Variants in CPZ observed in about 807,000 individuals in gnomAD.
CPZ encodes carboxypeptidase Z, also known as VEZT/CPZ fusion.
A neutral mutation model predicts 61.8 loss-of-function variants in CPZ; 103 were observed. The observed-to-expected ratio is 1.67, with a 90% confidence interval of 1.42 to 1.96. The LOEUF (loss-of-function observed/expected upper bound fraction) is 1.96. CPZ is among the 30% of genes most tolerant of loss of function. CPZ has a pLI of 0.00. For missense variants in CPZ, 1,461 were observed against 914.9 expected (o/e 1.60, Z -7.70); for synonymous variants, 551 against 373.7 (o/e 1.47, Z -5.47).
rs754274524 is a variant in CPZ at position 8,619,418 on chromosome 4, G to C, written c.1760G>C (p.Gly587Ala). The C allele has an allele frequency of 3.1e-6, 5 of 1,614,014 alleles. No individual in the cohort carries two copies. In the Admixed American group the frequency reaches 5.0e-5, roughly 16 times the overall value. ...VDFILQPLGM[G>A]PKNFIHGLRR... ...TTCATTCTGCAACCTCTGGGGATGG[G>C]ACCCAAGAACTTTATTCATGGGCTG... Residue 587 changes from glycine (G) to alanine (A), a missense_variant, in exon 11 of 11, where the codon GGA becomes GCA. Physicochemically the swap from Gly to Ala is moderately conservative, Grantham distance 60 (BLOSUM62 0). Coordinates refer to ENST00000360986, the MANE Select transcript of CPZ (RefSeq NM_001014447.3).
rs1187427564 is a variant in CPZ, at chr4:8,606,186, G to A, written c.906+1G>A. 1.2e-6 allele frequency: 2 copies of A among 1,612,534 alleles called. No homozygotes were observed. The highest frequency in any genetic ancestry group is 1.7e-6 in the Non-Finnish European group (2 of 1,179,306). On this transcript the variant is annotated splice_donor_variant, in intron 5 of 10. Coordinates refer to ENST00000360986, the MANE Select transcript of CPZ (RefSeq NM_001014447.3). LOFTEE classifies it high-confidence loss of function. Reference sequence around the variant, plus strand: ...CGGCTATGAGGTGGCAGCTGCCGAGGTGAGCGCCCAGATGCCTGGATCCTG... The same window carrying A: ...CGGCTATGAGGTGGCAGCTGCCGAGATGAGCGCCCAGATGCCTGGATCCTG...
In CPZ at chr4:8,618,512, C is replaced by T. The variant is rs752672666; in HGVS notation, c.1587C>T (p.Arg529=). ...KNARISVKGI[R]HDITTAPDGD... ...CCCGGATCTCAGTCAAAGGCATTCG[C>T]CACGACATCACCACAGGTGAGCACG... Residue 529 remains arginine, a synonymous_variant, in exon 10 of 11, where the codon CGC becomes CGT. Coordinates refer to ENST00000360986, the MANE Select transcript of CPZ (RefSeq NM_001014447.3). The T allele has an allele frequency of 1.9e-6, 3 of 1,613,928 alleles. No homozygotes were observed. Among genetic ancestry groups the T allele is most frequent in the African/African-American group, 1.3e-5 (1 of 75,050 alleles).
At chr4:8,609,691 T>C (rs1715486112) in intron 7 of CPZ, among the ~76,000 whole-genome samples, 1 of 152,178 alleles carries the variant, frequency 6.6e-6, no homozygotes, top group Non-Finnish European at 1.5e-5. Flanking sequence ...TGTCTCAGCC[T>C]CAGAACCAGA....
At chr4:8,600,221 C>T (rs374307648) in intron 2 of CPZ, among the ~76,000 whole-genome samples, 2 of 152,266 alleles carry the variant, frequency 1.3e-5, no homozygotes, top group East Asian at 1.9e-4. Flanking sequence ...AAGTGATCCT[C>T]GCATCTCAGC....
chr4:8,610,620 G>A (rs1344567592), intron 7 of CPZ, among the ~76,000 whole-genome samples: 2 of 152,246 alleles, frequency 1.3e-5, no homozygotes, highest in African/African-American at 4.8e-5. Flanking sequence ...AGCAGATGTG[G>A]CCTGGGCAGA....
At chr4:8,593,750 A>G (rs951842482) in intron 1 of CPZ, among the ~76,000 whole-genome samples, 1 of 152,136 alleles carries the variant, frequency 6.6e-6, no homozygotes, top group Non-Finnish European at 1.5e-5. Flanking sequence ...GAGCCCTGCG[A>G]GTGGATGTGC....
rs1428553965 is a variant in CPZ, at chr4:8,609,119, CTCACTCAT to C, written c.1227+1704_1227+1711del. Among the ~76,000 whole-genome samples the C allele has an allele frequency of 1.6e-3, 22 of 13,614 alleles. 1 individual carries two copies. Among genetic ancestry groups the C allele is most frequent in the African/African-American group, 4.1e-3 (17 of 4,184 alleles). 8.9% of individuals were successfully genotyped at this position (13,614 alleles called of 152,430 possible). On this transcript the variant is annotated intron_variant, in intron 7 of 10. Transcript: ENST00000360986. ...ACTCACTCACTCCCTTCCTCACTCC[CTCACTCAT>C]TCACTCATTTACTCATTCACCCACT... is the stretch of plus-strand genomic sequence containing the variant.
chr4:8,618,667 C>G (rs530671902), intron 10 of CPZ, 139 bp downstream of exon 10: 2 of 761,156 alleles, frequency 2.6e-6, no homozygotes, highest in East Asian at 2.8e-5. Flanking sequence ...CTGGCTGGGT[C>G]GGGGAGGGTG....
At chr4:8,606,231 C>T in intron 5 of CPZ, 46 bp downstream of exon 5, 2 of 1,542,364 alleles carry the variant, frequency 1.3e-6, no homozygotes, top group Non-Finnish European at 1.8e-6. Context: ...GCCCGAACCA[C>T]CCCCTCATTC....
At chr4:8,608,047 G>C (rs923062408) in intron 7 of CPZ, among the ~76,000 whole-genome samples, 2 of 152,172 alleles carry the variant, frequency 1.3e-5, no homozygotes, top group Non-Finnish European at 2.9e-5. Flanking sequence ...GACCTGCTGG[G>C]GGAGGGCGCG....
chr4:8,615,453 A>C (rs993596491), intron 9 of CPZ, among the ~76,000 whole-genome samples: 1 of 152,238 alleles, frequency 6.6e-6, no homozygotes. Context: ...CATAAATTGC[A>C]TATGAGCACA....
intron 8 of CPZ, among the ~76,000 whole-genome samples, chr4:8,613,704 G>A (rs1715910925): frequency 6.6e-6 from 1 of 152,240 alleles, no homozygotes; most frequent in Non-Finnish European, 1.5e-5. Flanking sequence ...AGAGCAGATG[G>A]CACAGAGGGC....
At chr4:8,611,157 T>C (rs1206314539) in intron 7 of CPZ, 2 of 440,812 alleles carry the variant, frequency 4.5e-6, no homozygotes, top group African/African-American at 4.0e-5. Context: ...TCCTCCTTTC[T>C]GACAGAGGGA....
chr4:8,609,222 A>C (rs1157256874), intron 7 of CPZ, among the ~76,000 whole-genome samples: 9 of 41,232 alleles, frequency 2.2e-4, no homozygotes, highest in Admixed American at 6.9e-4. Context: ...TCATTCACTT[A>C]CTCACTCATT....
In CPZ at chr4:8,606,634, C is replaced by G. The variant is rs565995491; in HGVS notation, c.907-103C>G. 2.3e-5 allele frequency: 33 copies of G among 1,450,934 alleles called. No individual in the cohort carries two copies. The African/African-American group carries it at 4.2e-4, about 18-fold the overall frequency. The allele number at this position is 1,450,934 out of a possible 1,614,324, so 89.9% of individuals were successfully genotyped here. A position where few individuals can be genotyped will look rare whatever the true frequency, so the allele number is the denominator to read the frequency against. ...CTCATCACATAAAGCCGGGGGAAAC[C>G]GCAGCCCCTGGCCTTGACCCTCAGC... is the stretch of plus-strand genomic sequence containing the variant. On this transcript the variant is annotated intron_variant, in intron 5 of 10. Coordinates refer to ENST00000360986, the MANE Select transcript of CPZ (RefSeq NM_001014447.3).
chr4:8,614,082 A>T (rs1218996594), intron 8 of CPZ, among the ~76,000 whole-genome samples: 1 of 152,202 alleles, frequency 6.6e-6, no homozygotes. Context: ...GGGACCCTTA[A>T]ATGCCTCATG....
At chr4:8,605,605 T>C (rs978988443) in intron 4 of CPZ, among the ~76,000 whole-genome samples, 6 of 133,442 alleles carry the variant, frequency 4.5e-5, no homozygotes, top group Non-Finnish European at 8.0e-5. Flanking sequence ...TATTCATCCA[T>C]CCATCCATCC....
intron 10 of CPZ, among the ~76,000 whole-genome samples, chr4:8,619,061 G>A (rs982602014): frequency 2.0e-5 from 3 of 152,122 alleles, no homozygotes; most frequent in Non-Finnish European, 4.4e-5. Flanking sequence ...GAAGAGGGGT[G>A]CCTAAGCAGG....
chr4:8,613,028 C>T (rs544991550), intron 8 of CPZ, among the ~76,000 whole-genome samples: 1 of 152,238 alleles, frequency 6.6e-6, no homozygotes, highest in Non-Finnish European at 1.5e-5. Context: ...AGCCTCTCTC[C>T]CTTCCAGAAC....
Sources: allele counts gnomAD v4.1 joint callset (sites outside exome capture counted in the v4.1 genomes callset), GRCh38; gene constraint gnomAD v4.1.1; transcripts MANE v1.5; gene names NCBI Gene and HGNC (gene_info 2026-07-23, HGNC 2026-07-21).